Variants in SRC observed in about 807,000 individuals in gnomAD.
The protein encoded by SRC is SRC proto-oncogene, non-receptor tyrosine kinase, also known as proto-oncogene tyrosine-protein kinase Src.
In SRC, 13 loss-of-function variants were observed where a neutral mutation model predicts 62.9. The observed-to-expected ratio is 0.21, with a 90% CI of 0.13 to 0.33. The LOEUF is 0.33. SRC is among the 10% of genes least tolerant of loss of function. The probability of loss-of-function intolerance (pLI) is 1.00; values close to 1 mark genes in which losing one functional copy is unlikely to be tolerated. For synonymous variants in SRC, 302 were observed against 317.5 expected, an observed-to-expected ratio of 0.95 and a Z score of 0.52; for missense variants, 457 against 737.3, an observed-to-expected ratio of 0.62 and a Z score of 4.40.
chr20:37,396,767 C>T lies in SRC; in HGVS notation c.703+456C>T, dbSNP rs145388559. The T allele has an allele frequency of 1.7e-4, 32 of 189,424 alleles. No individual in the cohort carries two copies. The highest frequency in any genetic ancestry group is 1.2e-3 in the South Asian group (11 of 9,038). The allele number at this position is 189,424 out of a possible 1,614,324, so 11.7% of individuals were successfully genotyped here. A position where few individuals can be genotyped will look rare whatever the true frequency, so the allele number is the denominator to read the frequency against. On this transcript the variant is annotated intron_variant, in intron 8 of 13. Coordinates refer to ENST00000373578, the MANE Select transcript of SRC (RefSeq NM_198291.3). The surrounding 1 kb of genome is among the most constrained non-coding windows in gnomAD (Gnocchi z 6.1). ...CGGCAGAGGGAGCTCGCGGGGCTTG[C>T]GTGCTGGGTGAGGGCTCGGGCGTGG...
At chr20:37,366,901 C>T (rs997724034) in intron 2 of SRC, among the ~76,000 whole-genome samples, 2 of 152,098 alleles carry the variant, frequency 1.3e-5, no homozygotes, top group Non-Finnish European at 2.9e-5. Context: ...AGTAGAATTG[C>T]TAGATCATAT....
chr20:37,350,701 C>A (rs1304143084), intron 1 of SRC, among the ~76,000 whole-genome samples: 1 of 152,188 alleles, frequency 6.6e-6, no homozygotes, highest in East Asian at 1.9e-4. Context: ...TTATATTTTT[C>A]TTTCCCCATT....
At chr20:37,386,276 G>A (rs1218919180) in intron 5 of SRC, 102 bp downstream of exon 5, 1 of 1,176,768 alleles carries the variant, frequency 8.5e-7, no homozygotes, top group African/African-American at 1.5e-5. Context: ...ACAGTGCAGA[G>A]CCCAGGGCAG....
chr20:37,374,017 T>TA (rs200855120), intron 2 of SRC, among the ~76,000 whole-genome samples: 29 of 143,392 alleles, frequency 2.0e-4, no homozygotes, highest in Non-Finnish European at 1.8e-4. Context: ...CTTGCCTAGT[T>TA]AAAAAAAACT....
chr20:37,361,870 T>TGCCGGGGTCTCTGTGTGCGG (rs1568621667), intron 1 of SRC, among the ~76,000 whole-genome samples: 5 of 36,128 alleles, frequency 1.4e-4, no homozygotes, highest in African/African-American at 1.4e-3. Context: ...CAGGTAGAGA[T>TGCCGGGGTCTCTGTGTGCGG]GTAGAGATGC....
intron 2 of SRC, among the ~76,000 whole-genome samples, chr20:37,379,833 T>G (rs1600990637): frequency 7.3e-6 from 1 of 137,410 alleles, no homozygotes; most frequent in African/African-American, 2.7e-5. Context: ...GAGGCGGAGG[T>G]TGCAGTGAGC....
In SRC at chr20:37,382,380, C is replaced by A. The variant is rs2070378600; in HGVS notation, c.-172-239C>A. 3.3e-5 allele frequency among the ~76,000 whole-genome samples: 5 copies of A among 152,288 alleles called. No homozygotes were observed. In the South Asian group the frequency reaches 1.0e-3, roughly 32 times the overall value. The stretch of plus-strand genomic sequence containing the variant: ...AGAGCCAGGATCTGGATGTGGAGAG[C>A]CCAGCTCCAGAGCCCACTCTCACCA... On this transcript the variant is annotated intron_variant, in intron 2 of 13. Transcript: ENST00000373578.
Position 37,385,979 on chromosome 20 carries a change from G to A in SRC, c.251-96G>A, listed in dbSNP as rs1408774113. 1.1e-5 allele frequency: 10 copies of A among 951,578 alleles called. No homozygotes were observed. In the African/African-American group the frequency reaches 1.1e-4, roughly 11 times the overall value. The allele number at this position is 951,578 out of a possible 1,614,324, so 58.9% of individuals were successfully genotyped here. On this transcript the variant is annotated intron_variant, in intron 4 of 13. Transcript: ENST00000373578. ...CTTTGGGCTGAGCACTTGCGTGTGG[G>A]AGACAAATCCACTCCTCCTGGGTAC...
At chr20:37,360,883 G>T (rs2069958253) in intron 1 of SRC, among the ~76,000 whole-genome samples, 1 of 152,252 alleles carries the variant, frequency 6.6e-6, no homozygotes, top group Non-Finnish European at 1.5e-5. Flanking sequence ...AGGAGAGGCA[G>T]TGGAGGCACA....
At chr20:37,352,745 G>A (rs1188550110) in intron 1 of SRC, among the ~76,000 whole-genome samples, 1 of 152,116 alleles carries the variant, frequency 6.6e-6, no homozygotes, top group Non-Finnish European at 1.5e-5. Context: ...GCCCCTAGAG[G>A]TGCCCTGCCC....
chr20:37,383,803 C>T (rs2077975788), intron 3 of SRC: 1 of 264,366 alleles, frequency 3.8e-6, no homozygotes, highest in African/African-American at 2.3e-5. Context: ...AGGATCTGAG[C>T]TCACTGCAGC....
At chr20:37,346,366 C>G (rs1234998949) in intron 1 of SRC, 111 bp downstream of exon 1, 1 of 135,894 alleles carries the variant, frequency 7.4e-6, no homozygotes, top group East Asian at 2.0e-4. Context: ...TCCTGTCCAC[C>G]CCCCCAATTC....
At chr20:37,348,798 A>G (rs1399720254) in intron 1 of SRC, among the ~76,000 whole-genome samples, 1 of 152,142 alleles carries the variant, frequency 6.6e-6, no homozygotes, top group African/African-American at 2.4e-5. Flanking sequence ...GGACTCAGGG[A>G]GAGAGGCCTA....
chr20:37,345,989 C>T (rs550455527), upstream of SRC, among the ~76,000 whole-genome samples: 1 of 151,614 alleles, frequency 6.6e-6, no homozygotes, highest in Admixed American at 6.5e-5. Flanking sequence ...TCCCCGCGCG[C>T]TTCCTCCTTC....
chr20:37,386,133 G>A lies in SRC; in HGVS notation c.309G>A (p.Leu103=), dbSNP rs1247408889. 2 of 1,614,212 alleles carry A rather than the reference G, an allele frequency of 1.2e-6. No homozygotes were observed. Among genetic ancestry groups the A allele is most frequent in the East Asian group, 2.2e-5 (1 of 44,888 alleles). Residue 103 remains leucine, a synonymous_variant, in exon 5 of 14, where the codon CTG becomes CTA. Coordinates refer to ENST00000373578, the MANE Select transcript of SRC (RefSeq NM_198291.3). ...ATGAGTCTAGGACGGAGACAGACCT[G>A]TCCTTCAAGAAAGGCGAGCGGCTCC... ...YDYESRTETD[L]SFKKGERLQI...
intron 9 of SRC, 40 bp from the exon 10 acceptor site, chr20:37,400,074 TG>T (rs751187905): frequency 1.0e-5 from 16 of 1,544,200 alleles, no homozygotes; most frequent in African/African-American, 1.4e-5. Context: ...TGGTAGGAGT[TG>T]GGGGGCTCCA....
chr20:37,360,326 C>T (rs779190044), intron 1 of SRC, among the ~76,000 whole-genome samples: 36 of 147,366 alleles, frequency 2.4e-4, no homozygotes, highest in East Asian at 2.0e-4. Flanking sequence ...TGGGCTTGAG[C>T]GATCCTTCCA....
At position 37,386,462 on chromosome 20, in the gene SRC, G is replaced by A. The variant is rs2070456942; in HGVS notation, c.350+288G>A. On this transcript the variant is annotated intron_variant, in intron 5 of 13. Transcript: ENST00000373578. ...GCTTCTCTCTCGCTGGCCCTTAGGA[G>A]GAAGGTGGATGTCAGGTGTGTACAT... is the stretch of plus-strand genomic sequence containing the variant. The A allele has an allele frequency of 4.2e-6, 3 of 716,376 alleles. No individual in the cohort carries two copies. In the African/African-American group the frequency reaches 5.2e-5, roughly 13 times the overall value. 44.4% of individuals were successfully genotyped at this position (716,376 alleles called of 1,614,324 possible).
intron 1 of SRC, among the ~76,000 whole-genome samples, chr20:37,354,594 GC>G (rs2069852951): frequency 6.6e-6 from 1 of 152,206 alleles, no homozygotes; most frequent in Non-Finnish European, 1.5e-5. Flanking sequence ...AGGGGCAGGG[GC>G]AGGGGCCGGG....
Sources: allele counts gnomAD v4.1 joint callset (sites outside exome capture counted in the v4.1 genomes callset), GRCh38; gene constraint gnomAD v4.1.1; non-coding constraint Gnocchi (gnomAD v3.1); transcripts MANE v1.5; gene names NCBI Gene and HGNC (gene_info 2026-07-23, HGNC 2026-07-21).